The following ANO6 variants were observed in gnomAD, a reference collection of about 807,000 sequenced individuals.
The protein encoded by ANO6 is anoctamin 6.
Under a neutral mutation model 117.5 loss-of-function variants are expected in ANO6, and 106 were observed. That is an observed-to-expected ratio of 0.90 (90% CI 0.77 to 1.06). The LOEUF (loss-of-function observed/expected upper bound fraction) is 1.06. Among genes scored for constraint, ANO6 ranks in the 50% least tolerant of loss-of-function variants. The pLI, the probability that ANO6 is intolerant of heterozygous loss-of-function variation, is 0.00. For missense variants in ANO6, 955 were observed against 1,121.1 expected (o/e 0.85, Z 2.12); for synonymous variants, 367 against 385.1 (o/e 0.95, Z 0.55).
In ANO6 at chr12:45,347,203, A is replaced by G. The variant is rs1406671395; in HGVS notation, c.345+116A>G. Reference sequence around the variant, plus strand: ...GCAGCCCTGGCCACATCTTAGTCATAGACTGGGAGAGGAGTCAATCAAAAT... The same window carrying G: ...GCAGCCCTGGCCACATCTTAGTCATGGACTGGGAGAGGAGTCAATCAAAAT... On this transcript the variant is annotated intron_variant, in intron 4 of 19. Transcript: ENST00000320560. The G allele has an allele frequency of 5.4e-6, 5 of 927,518 alleles. No homozygotes were observed. The African/African-American group carries it at 8.1e-5, about 15-fold the overall frequency. The allele number at this position is 927,518 out of a possible 1,614,324, so 57.5% of individuals were successfully genotyped here. A position where few individuals can be genotyped will look rare whatever the true frequency, so the allele number is the denominator to read the frequency against.
chr12:45,224,726 G>T (rs868263381), intron 1 of ANO6, among the ~76,000 whole-genome samples: 3 of 152,062 alleles, frequency 2.0e-5, no homozygotes, highest in Non-Finnish European at 4.4e-5. Flanking sequence ...ATACACACTC[G>T]TCTTTTCTCA....
chr12:45,318,173 G>T (rs953176006), intron 2 of ANO6, among the ~76,000 whole-genome samples: 4 of 152,110 alleles, frequency 2.6e-5, no homozygotes, highest in African/African-American at 9.7e-5. Context: ...ATTGCTTTTG[G>T]TGTTTTAGAC....
intron 1 of ANO6, among the ~76,000 whole-genome samples, chr12:45,280,257 G>A (rs1226415510): frequency 1.3e-5 from 2 of 152,148 alleles, no homozygotes; most frequent in East Asian, 3.9e-4. Flanking sequence ...TCAGCTGGAT[G>A]GAAAGACAAA....
intron 1 of ANO6, among the ~76,000 whole-genome samples, chr12:45,289,163 A>G (rs1939014648): frequency 8.0e-6 from 1 of 125,036 alleles, no homozygotes. Context: ...TTTTATTATT[A>G]TTATTACTTT....
chr12:45,315,198 C>T (rs905753439), intron 2 of ANO6, among the ~76,000 whole-genome samples: 6 of 152,076 alleles, frequency 3.9e-5, no homozygotes, highest in African/African-American at 1.4e-4. Flanking sequence ...ACTTGTGATG[C>T]AGCTATTGAG....
intron 1 of ANO6, among the ~76,000 whole-genome samples, chr12:45,224,395 CAT>C (rs904398315): frequency 3.3e-5 from 5 of 151,994 alleles, no homozygotes; most frequent in African/African-American, 9.7e-5. Flanking sequence ...AATATATACA[CAT>C]GTATAAATAT....
chr12:45,399,065 T>C (rs1942709363), intron 12 of ANO6, among the ~76,000 whole-genome samples: 1 of 152,204 alleles, frequency 6.6e-6, no homozygotes, highest in Non-Finnish European at 1.5e-5. Context: ...GGGCTGTGTT[T>C]TGTTCCTTTC....
chr12:45,254,160 C>T (rs148330688), intron 1 of ANO6, among the ~76,000 whole-genome samples: 478 of 152,060 alleles, frequency 3.1e-3, no homozygotes, highest in African/African-American at 9.2e-3. Flanking sequence ...AGCAAGACTC[C>T]GTCTCAAAAA....
chr12:45,383,131 T>C, intron 10 of ANO6: 1 of 219,652 alleles, frequency 4.6e-6, no homozygotes, highest in Non-Finnish European at 9.1e-6. Context: ...TTTGTTGTCG[T>C]TTCAGTAATG....
chr12:45,348,368 T>C, intron 5 of ANO6, 53 bp downstream of exon 5: 3 of 1,611,516 alleles, frequency 1.9e-6, no homozygotes, highest in Non-Finnish European at 2.5e-6. Flanking sequence ...GAACCTGCTG[T>C]TTTGTGGTTT....
chr12:45,308,667 C>G (rs1037517135), intron 2 of ANO6, among the ~76,000 whole-genome samples: 11 of 151,984 alleles, frequency 7.2e-5, no homozygotes, highest in African/African-American at 2.7e-4. Flanking sequence ...TTGATTTAAC[C>G]AATTTGGAGA....
rs540418021 is a variant in ANO6, at chr12:45,326,059, A to G, written c.151-5236A>G. 5.9e-5 allele frequency among the ~76,000 whole-genome samples: 9 copies of G among 152,312 alleles called. No individual in the cohort carries two copies. In the South Asian group the frequency reaches 1.9e-3, roughly 32 times the overall value. ...AAGTACTGCTTCCTTGGCATGAACT[A>G]GAGGGAAATATTTAATACTCATTAT... On this transcript the variant is annotated intron_variant, in intron 2 of 19. Transcript: ENST00000320560.
intron 1 of ANO6, among the ~76,000 whole-genome samples, chr12:45,252,397 T>C (rs1350272117): frequency 1.3e-5 from 2 of 152,214 alleles, no homozygotes; most frequent in Non-Finnish European, 2.9e-5. Context: ...TAAGCAAATA[T>C]TACAGGAAAG....
chr12:45,423,117 C>A, intron 19 of ANO6, 55 bp downstream of exon 19: 1 of 1,341,206 alleles, frequency 7.5e-7, no homozygotes, highest in Non-Finnish European at 1.1e-6. Context: ...GCAGACCTTC[C>A]ATTAAGTGTT....
Position 45,350,671 on chromosome 12 carries a change from CGTCA to C in ANO6, c.766_769del (p.Ser256ArgfsTer59), listed in dbSNP as rs750908931. On this transcript the variant is annotated frameshift_variant, in exon 7 of 20. Coordinates refer to ENST00000320560, the MANE Select transcript of ANO6 (RefSeq NM_001025356.3). LOFTEE classifies it high-confidence loss of function. ...TTCTGCGTCACAGTGCAAATTCCGC[CGTCA>C]GTCAGAGGATCCCAGCTGCCCTAAT... 1 of 1,613,684 alleles carries C rather than the reference CGTCA, an allele frequency of 6.2e-7. No individual in the cohort carries two copies. The highest frequency in any genetic ancestry group is 8.5e-7 in the Non-Finnish European group (1 of 1,179,716).
At chr12:45,330,963 T>A (rs1034476670) in intron 2 of ANO6, among the ~76,000 whole-genome samples, 2 of 151,762 alleles carry the variant, frequency 1.3e-5, no homozygotes, top group Non-Finnish European at 2.9e-5. Flanking sequence ...GGATAGGCAG[T>A]TTTTTTTACT....
At chr12:45,336,885 T>C (rs889967082) in intron 3 of ANO6, among the ~76,000 whole-genome samples, 1 of 151,988 alleles carries the variant, frequency 6.6e-6, no homozygotes, top group Admixed American at 6.6e-5. Flanking sequence ...AGATGACAGC[T>C]CTATTTCTGT....
intron 1 of ANO6, among the ~76,000 whole-genome samples, chr12:45,294,383 T>C (rs1030082370): frequency 6.6e-6 from 1 of 152,210 alleles, no homozygotes; most frequent in African/African-American, 2.4e-5. Flanking sequence ...TGACAAAGTT[T>C]ACATCTTCAT....
intron 2 of ANO6, chr12:45,313,146 C>A (rs1176227077): frequency 6.6e-6 from 1 of 152,000 alleles, no homozygotes; most frequent in African/African-American, 2.4e-5. Context: ...AGATGAGGTA[C>A]TTCTGAGACT....
Sources: gnomAD v4.1 joint callset for allele counts (sites outside exome capture counted in the v4.1 genomes callset) on GRCh38, gnomAD v4.1.1 for gene constraint, MANE v1.5 for transcripts, NCBI Gene and HGNC (gene_info 2026-07-23, HGNC 2026-07-21) for gene names.